Variants in DPP10 observed in about 807,000 individuals in gnomAD.
The protein encoded by DPP10 is inactive dipeptidyl peptidase 10.
Under a neutral mutation model 120.9 loss-of-function variants are expected in DPP10, and 33 were observed. The ratio of observed to expected loss-of-function variants is 0.27; its 90% CI spans 0.21 to 0.37. The LOEUF (loss-of-function observed/expected upper bound fraction) is 0.37, where lower values mean the gene tolerates loss of function less well. DPP10 is among the 10% of genes least tolerant of loss of function. DPP10 has a pLI of 1.00. For synonymous variants in DPP10, 337 were observed against 326.1 expected (o/e 1.03, Z -0.36); for missense variants, 816 against 942.8 (o/e 0.87, Z 1.76).
rs940156762 is a variant in DPP10 at position 115,731,425 on chromosome 2, G to T, written c.697+3489G>T. Among the ~76,000 whole-genome samples the T allele has an allele frequency of 7.9e-5, 12 of 151,736 alleles. 1 individual carries two copies. Among genetic ancestry groups the T allele is most frequent in the African/African-American group, 2.9e-4 (12 of 41,278 alleles). On this transcript the variant is annotated intron_variant, in intron 8 of 25. Transcript: ENST00000410059. ...ACCTGTGTTCCCCCCTACTCTGGAA[G>T]CTGAGGTGGGAGGATCACCTAAGCC...
chr2:115,142,209 A>C (rs1255093341), intron 1 of DPP10, among the ~76,000 whole-genome samples: 1 of 152,146 alleles, frequency 6.6e-6, no homozygotes, highest in Non-Finnish European at 1.5e-5. Context: ...TTGCCTGTTT[A>C]ATATTCAACT....
intron 1 of DPP10, among the ~76,000 whole-genome samples, chr2:114,997,188 A>G (rs2104972825): frequency 6.6e-6 from 1 of 152,078 alleles, no homozygotes; most frequent in African/African-American, 2.4e-5. Flanking sequence ...AAATGTCACA[A>G]TAAGATACCA....
At chr2:115,574,477 C>T (rs901321571) in intron 5 of DPP10, among the ~76,000 whole-genome samples, 1 of 152,168 alleles carries the variant, frequency 6.6e-6, no homozygotes, top group African/African-American at 2.4e-5. Flanking sequence ...TTGCTTTCCC[C>T]ATGTTTAAAT....
intron 5 of DPP10, among the ~76,000 whole-genome samples, chr2:115,545,318 T>C (rs1248014875): frequency 6.6e-6 from 1 of 152,148 alleles, no homozygotes. Context: ...CGGTAGGTAA[T>C]AGACATAAAA....
intron 3 of DPP10, among the ~76,000 whole-genome samples, chr2:115,397,950 G>C (rs1387111455): frequency 1.3e-5 from 2 of 152,058 alleles, no homozygotes; most frequent in Non-Finnish European, 2.9e-5. Flanking sequence ...CAAGTTGCTG[G>C]GTTTAGTGTG....
chr2:115,761,660 T>G (rs1680126560), intron 11 of DPP10, among the ~76,000 whole-genome samples: 1 of 152,060 alleles, frequency 6.6e-6, no homozygotes, highest in African/African-American at 2.4e-5. Context: ...CAGTTAGATT[T>G]TTTTTGATAT....
At chr2:114,853,401 G>A (rs941746752) in intron 1 of DPP10, among the ~76,000 whole-genome samples, 1 of 152,036 alleles carries the variant, frequency 6.6e-6, no homozygotes, top group Non-Finnish European at 1.5e-5. Context: ...GCTCTAGAAT[G>A]AGGAAGTGGC....
chr2:115,388,460 A>T (rs1574672388), intron 3 of DPP10, among the ~76,000 whole-genome samples: 1 of 152,148 alleles, frequency 6.6e-6, no homozygotes, highest in East Asian at 1.9e-4. Flanking sequence ...TGATTATAGT[A>T]AGTCAGGTGA....
intron 19 of DPP10, among the ~76,000 whole-genome samples, chr2:115,811,941 C>G (rs1414705467): frequency 6.6e-6 from 1 of 152,094 alleles, no homozygotes; most frequent in African/African-American, 2.4e-5. Flanking sequence ...TCAACATAAG[C>G]AAAATTTTCT....
intron 3 of DPP10, among the ~76,000 whole-genome samples, chr2:115,419,786 AAG>A (rs1239874522): frequency 6.6e-6 from 1 of 152,178 alleles, no homozygotes; most frequent in East Asian, 1.9e-4. Flanking sequence ...TGCTACAGAA[AAG>A]AAAGAACTAA....
intron 1 of DPP10, among the ~76,000 whole-genome samples, chr2:114,577,012 G>T (rs1690107570): frequency 6.6e-6 from 1 of 152,118 alleles, no homozygotes; most frequent in Admixed American, 6.5e-5. Context: ...AGAAGAGCAG[G>T]CAAATAGATG....
chr2:115,562,268 C>G (rs554694164), intron 5 of DPP10, among the ~76,000 whole-genome samples: 51 of 152,232 alleles, frequency 3.4e-4, no homozygotes, highest in African/African-American at 1.2e-3. Flanking sequence ...CTCGCTCTTT[C>G]TCTTCATCTC....
At chr2:115,179,580 G>T (rs1225934604) in intron 1 of DPP10, among the ~76,000 whole-genome samples, 3 of 152,120 alleles carry the variant, frequency 2.0e-5, no homozygotes, top group Non-Finnish European at 4.4e-5. Flanking sequence ...TGAATAAGGA[G>T]ATAATAGTAT....
In DPP10 at chr2:114,456,466, CA is replaced by C. The variant is rs533750729; in HGVS notation, c.60+13629del. Among the ~76,000 whole-genome samples, 236 of 152,274 alleles carry C rather than the reference CA, an allele frequency of 1.5e-3. 1 individual carries two copies. The highest frequency in any genetic ancestry group is 0.011 in the South Asian group (55 of 4,822). ...GGGTAAGAATATTAACAATAGCAAC[CA>C]TGTCAGAAATATATATGGGATTCAA... is the stretch of plus-strand genomic sequence containing the variant. On this transcript the variant is annotated intron_variant, in intron 1 of 25. Transcript: ENST00000410059.
intron 1 of DPP10, among the ~76,000 whole-genome samples, chr2:114,808,066 G>C (rs1036111682): frequency 2.6e-5 from 4 of 152,194 alleles, no homozygotes; most frequent in Non-Finnish European, 5.9e-5. Context: ...CGTTTCAGCA[G>C]CGCTGGACAG....
chr2:114,791,327 A>G (rs1217359994), intron 1 of DPP10, among the ~76,000 whole-genome samples: 2 of 152,218 alleles, frequency 1.3e-5, no homozygotes, highest in Non-Finnish European at 1.5e-5. Context: ...CCACTGAACT[A>G]GCGCTGTAGA....
intron 1 of DPP10, among the ~76,000 whole-genome samples, chr2:114,977,034 T>G (rs1699798170): frequency 6.6e-6 from 1 of 152,196 alleles, no homozygotes; most frequent in Non-Finnish European, 1.5e-5. Flanking sequence ...AATCCTACTT[T>G]GTTTATTTTG....
At chr2:115,027,499 A>C (rs974024837) in intron 1 of DPP10, among the ~76,000 whole-genome samples, 1 of 152,162 alleles carries the variant, frequency 6.6e-6, no homozygotes, top group Non-Finnish European at 1.5e-5. Flanking sequence ...ATCATGGTGA[A>C]TTATCTTTTT....
intron 1 of DPP10, among the ~76,000 whole-genome samples, chr2:115,016,526 CT>C (rs763829569): frequency 5.3e-5 from 8 of 152,048 alleles, no homozygotes; most frequent in Non-Finnish European, 1.2e-4. Flanking sequence ...AACTAAAGAG[CT>C]TCTGTACAGC....
Sources: gnomAD v4.1 joint callset for allele counts (sites outside exome capture counted in the v4.1 genomes callset) on GRCh38, gnomAD v4.1.1 for gene constraint, MANE v1.5 for transcripts, NCBI Gene and HGNC (gene_info 2026-07-23, HGNC 2026-07-21) for gene names.